FAT4: variants seen among roughly 807,000 people sequenced by gnomAD.
FAT4 encodes the protein FAT atypical cadherin 4.
Under a neutral mutation model 303.9 loss-of-function variants are expected in FAT4, and 84 were observed. That is an observed-to-expected ratio of 0.28 (90% CI 0.23 to 0.33). The LOEUF is 0.33. Ranked by LOEUF, FAT4 falls within the 10% of genes least tolerant of loss-of-function variation. The pLI is 1.00. For missense variants in FAT4, 6,005 were observed against 6,146.8 expected, an observed-to-expected ratio of 0.98 and a Z score of 0.77; for synonymous variants, 2,307 against 2,298.8, an observed-to-expected ratio of 1.00 and a Z score of -0.10.
chr4:125,318,731 C>T lies in FAT4; in HGVS notation c.2320C>T (p.Pro774Ser). ...TACTGATGGTGGCAATTTACAATCT[C>T]CCAACCAGGCAATAGTAACCATCAC... ...VATDGGNLQS[P>S]NQAIVTITVL... Residue 774 changes from proline (P) to serine (S), a missense_variant, in exon 2 of 18, where the codon CCC becomes TCC. By Grantham distance (74) the Pro-to-Ser change is moderately conservative. Transcript: ENST00000394329. 6.2e-7 allele frequency: 1 copy of T among 1,613,974 alleles called. No individual in the cohort carries two copies. The highest frequency in any genetic ancestry group is 8.5e-7 in the Non-Finnish European group (1 of 1,179,904).
intron 5 of FAT4, among the ~76,000 whole-genome samples, chr4:125,412,227 G>A (rs1734876090): frequency 6.6e-6 from 1 of 151,772 alleles, no homozygotes; most frequent in African/African-American, 2.4e-5. Flanking sequence ...TAGATGTAGT[G>A]TATGTGGCCA....
chr4:125,343,340 T>G (rs1384072237), intron 2 of FAT4, among the ~76,000 whole-genome samples: 1 of 152,118 alleles, frequency 6.6e-6, no homozygotes, highest in African/African-American at 2.4e-5. Context: ...GCAGCTTCAG[T>G]TCTTGGGGCA....
intron 16 of FAT4, among the ~76,000 whole-genome samples, chr4:125,484,663 G>C (rs1727346600): frequency 1.3e-5 from 2 of 152,240 alleles, no homozygotes; most frequent in South Asian, 4.1e-4. Flanking sequence ...CTCAAACCTA[G>C]ATGGTACAAC....
intron 7 of FAT4, among the ~76,000 whole-genome samples, chr4:125,432,905 G>T (rs1725329526): frequency 6.6e-6 from 1 of 151,818 alleles, no homozygotes; most frequent in Non-Finnish European, 1.5e-5. Flanking sequence ...CTTCTTTATT[G>T]TGCTCTGCTC....
At chr4:125,418,083 A>G (rs1735141231) in intron 7 of FAT4, among the ~76,000 whole-genome samples, 2 of 152,258 alleles carry the variant, frequency 1.3e-5, no homozygotes, top group East Asian at 1.9e-4. Flanking sequence ...TTACATATTC[A>G]CTGTTTTCAT....
At chr4:125,444,056 A>G (rs1725747169) in intron 8 of FAT4, among the ~76,000 whole-genome samples, 1 of 152,214 alleles carries the variant, frequency 6.6e-6, no homozygotes, top group Non-Finnish European at 1.5e-5. Flanking sequence ...ATTTTAAAAA[A>G]TACTAAATAT....
chr4:125,452,878 T>G (rs1726148856), intron 10 of FAT4, 68 bp downstream of exon 10: 1 of 1,487,138 alleles, frequency 6.7e-7, no homozygotes, highest in South Asian at 1.4e-5. Flanking sequence ...ACGAAATAAT[T>G]TTATCATTTT....
intron 16 of FAT4, among the ~76,000 whole-genome samples, chr4:125,486,982 C>A (rs896833690): frequency 6.6e-6 from 1 of 152,172 alleles, no homozygotes; most frequent in African/African-American, 2.4e-5. Context: ...AACGAACCAG[C>A]ATAACACACT....
chr4:125,328,545 A>G (rs957585979), intron 2 of FAT4, among the ~76,000 whole-genome samples: 1 of 152,230 alleles, frequency 6.6e-6, no homozygotes, highest in African/African-American at 2.4e-5. Flanking sequence ...ATTTAGAAAC[A>G]TGCTTTGCTA....
chr4:125,359,260 T>C (rs1732553783), intron 2 of FAT4, among the ~76,000 whole-genome samples: 1 of 152,150 alleles, frequency 6.6e-6, no homozygotes, highest in African/African-American at 2.4e-5. Flanking sequence ...ACCCCACGTC[T>C]TAAGGCCAAA....
intron 2 of FAT4, among the ~76,000 whole-genome samples, chr4:125,323,461 A>G (rs1731033787): frequency 6.6e-6 from 1 of 152,188 alleles, no homozygotes; most frequent in Non-Finnish European, 1.5e-5. Flanking sequence ...GTTATCATAT[A>G]TACTATGTTC....
intron 7 of FAT4, among the ~76,000 whole-genome samples, chr4:125,424,070 T>A (rs1194694673): frequency 6.6e-6 from 1 of 152,122 alleles, no homozygotes; most frequent in African/African-American, 2.4e-5. Context: ...GACTTTTGAG[T>A]TAATGCTGAA....
At chr4:125,417,384 G>A (rs1183453201) in intron 7 of FAT4, among the ~76,000 whole-genome samples, 2 of 152,142 alleles carry the variant, frequency 1.3e-5, no homozygotes, top group Admixed American at 1.3e-4. Context: ...TGTGCAGGCT[G>A]CTCAAGAACA....
chr4:125,490,947 T>A lies in FAT4; in HGVS notation c.14131T>A (p.Ser4711Thr), dbSNP rs1156298598. 1 of 1,614,172 alleles carries A rather than the reference T, an allele frequency of 6.2e-7. No individual in the cohort carries two copies. The highest frequency in any genetic ancestry group is 8.5e-7 in the Non-Finnish European group (1 of 1,180,016). ...ACACAGTCCAGCCCCTTTCTCCAAA[T>A]CTTCTACGTTCTATAGAAACAGCCC... ...SRHSPAPFSK[S>T]STFYRNSPAR... Residue 4711 changes from serine to threonine, a missense_variant, in exon 18 of 18, where the codon TCT (serine) becomes ACT (threonine). Transcript: ENST00000394329.
At chr4:125,357,769 C>A (rs1191246172) in intron 2 of FAT4, among the ~76,000 whole-genome samples, 1 of 152,106 alleles carries the variant, frequency 6.6e-6, no homozygotes, top group Non-Finnish European at 1.5e-5. Context: ...TTACAAAGGG[C>A]TCAGACCTTC....
intron 11 of FAT4, among the ~76,000 whole-genome samples, chr4:125,466,953 A>G (rs1042258396): frequency 4.6e-5 from 7 of 151,104 alleles, no homozygotes; most frequent in African/African-American, 1.7e-4. Flanking sequence ...TTTTTTTTGT[A>G]TTTTTAGTAG....
chr4:125,459,229 T>C (rs1489913343), intron 10 of FAT4, among the ~76,000 whole-genome samples: 1 of 152,036 alleles, frequency 6.6e-6, no homozygotes, highest in Admixed American at 6.6e-5. Flanking sequence ...CATGGAGTGG[T>C]CCAATTTAGC....
At chr4:125,459,739 T>C (rs2126068172) in intron 10 of FAT4, among the ~76,000 whole-genome samples, 1 of 152,232 alleles carries the variant, frequency 6.6e-6, no homozygotes, top group East Asian at 1.9e-4. Flanking sequence ...TTGGCAAGTA[T>C]TGTTAATTGA....
chr4:125,378,890 A>G (rs1036131567), intron 2 of FAT4, among the ~76,000 whole-genome samples: 8 of 152,170 alleles, frequency 5.3e-5, no homozygotes, highest in Admixed American at 3.3e-4. Context: ...TCCACTGGCT[A>G]TGGAGTAACT....
Sources: allele counts gnomAD v4.1 joint callset (sites outside exome capture counted in the v4.1 genomes callset), GRCh38; gene constraint gnomAD v4.1.1; transcripts MANE v1.5; gene names NCBI Gene and HGNC (gene_info 2026-07-23, HGNC 2026-07-21).